SERINC5: variants seen among roughly 807,000 people sequenced by gnomAD.
SERINC5 encodes chromosome 5 open reading frame 12.
In SERINC5, 41 loss-of-function variants were observed where a neutral mutation model predicts 63.1. That is an observed-to-expected ratio of 0.65 (90% CI 0.51 to 0.84). The LOEUF is 0.84. Ranked by LOEUF, SERINC5 falls within the 40% of genes least tolerant of loss-of-function variation. SERINC5 has a pLI of 0.00. For missense variants in SERINC5, 523 were observed against 573.0 expected, an observed-to-expected ratio of 0.91 and a Z score of 0.89; for synonymous variants, 222 against 215.2, an observed-to-expected ratio of 1.03 and a Z score of -0.28.
chr5:80,210,101 A>T (rs898925691), intron 1 of SERINC5, among the ~76,000 whole-genome samples: 14 of 152,256 alleles, frequency 9.2e-5, no homozygotes, highest in Middle Eastern at 3.4e-3. Context: ...TAGTGATATA[A>T]AAGCATTTGC....
intron 1 of SERINC5, among the ~76,000 whole-genome samples, chr5:80,229,485 C>T (rs947549508): frequency 6.6e-6 from 1 of 151,874 alleles, no homozygotes. Flanking sequence ...AATTTGAACT[C>T]ACCTACATTG....
At chr5:80,193,188 T>C (rs1055245018) in intron 2 of SERINC5, among the ~76,000 whole-genome samples, 2 of 152,180 alleles carry the variant, frequency 1.3e-5, no homozygotes, top group African/African-American at 4.8e-5. Context: ...CACAGAATCA[T>C]CCTATTAAAT....
At chr5:80,179,082 C>A (rs1391506392) in intron 2 of SERINC5, among the ~76,000 whole-genome samples, 1 of 151,992 alleles carries the variant, frequency 6.6e-6, no homozygotes, top group Non-Finnish European at 1.5e-5. Context: ...GGTGGATCAC[C>A]TGAGGTCGGG....
chr5:80,224,946 T>TG (rs1751102562), intron 1 of SERINC5, among the ~76,000 whole-genome samples: 1 of 33,588 alleles, frequency 3.0e-5, no homozygotes, highest in African/African-American at 1.9e-4. Flanking sequence ...TTTTTTTTTG[T>TG]TTTTTTTTTT....
At chr5:80,252,668 C>T (rs1752483470) in intron 1 of SERINC5, among the ~76,000 whole-genome samples, 2 of 152,188 alleles carry the variant, frequency 1.3e-5, no homozygotes, top group Admixed American at 6.5e-5. Flanking sequence ...GGGTTCCTCA[C>T]ACTCTGCCAA....
At chr5:80,181,412 A>AAC (rs1748409879) in intron 2 of SERINC5, among the ~76,000 whole-genome samples, 2 of 88,728 alleles carry the variant, frequency 2.3e-5, no homozygotes, top group East Asian at 2.0e-3. Flanking sequence ...AAGCTCAGCT[A>AAC]ATTTTGTGTG....
At chr5:80,226,860 CAAGT>C (rs1751191731) in intron 1 of SERINC5, among the ~76,000 whole-genome samples, 1 of 152,130 alleles carries the variant, frequency 6.6e-6, no homozygotes, top group Non-Finnish European at 1.5e-5. Flanking sequence ...CCATTTTTCA[CAAGT>C]AAGAGGATTA....
chr5:80,115,436 A>T (rs1454699880), intron 11 of SERINC5, among the ~76,000 whole-genome samples: 1 of 151,890 alleles, frequency 6.6e-6, no homozygotes, highest in East Asian at 1.9e-4. Flanking sequence ...TATTAATTCA[A>T]TCTTTTTTGA....
chr5:80,217,908 G>A (rs1424950194), intron 1 of SERINC5, among the ~76,000 whole-genome samples: 1 of 152,166 alleles, frequency 6.6e-6, no homozygotes, highest in East Asian at 1.9e-4. Context: ...CAAATCTAGT[G>A]ACAACCATCA....
At position 80,241,346 on chromosome 5, in the gene SERINC5, G is replaced by A. The variant is rs1178011426; in HGVS notation, c.27+14550C>T. Reference sequence around the variant, plus strand: ...TAGCCAGGCATGGTGGCACGTGCCTGTAATCCCAGCTACTCGGGAGGCTGA... The same window carrying A: ...TAGCCAGGCATGGTGGCACGTGCCTATAATCCCAGCTACTCGGGAGGCTGA... On this transcript the variant is annotated intron_variant, in intron 1 of 11. Transcript: ENST00000507668. 2.0e-5 allele frequency among the ~76,000 whole-genome samples: 3 copies of A among 152,086 alleles called. 1 individual carries two copies. Among genetic ancestry groups the A allele is most frequent in the Non-Finnish European group, 2.9e-5 (2 of 68,022 alleles).
At chr5:80,134,613 A>G (rs994088625), downstream of SERINC5, among the ~76,000 whole-genome samples, 20 of 152,234 alleles carry the variant, frequency 1.3e-4, no homozygotes, top group African/African-American at 4.8e-4. Context: ...TTAGGAACAA[A>G]TCAGTAAGTT....
chr5:80,195,916 C>T (rs573906618), intron 2 of SERINC5, among the ~76,000 whole-genome samples: 1 of 152,316 alleles, frequency 6.6e-6, no homozygotes, highest in Non-Finnish European at 1.5e-5. Flanking sequence ...GCACCTTCAG[C>T]TCAGCCTAAC....
At chr5:80,225,741 G>A (rs917182122) in intron 1 of SERINC5, among the ~76,000 whole-genome samples, 1 of 152,092 alleles carries the variant, frequency 6.6e-6, no homozygotes, top group Non-Finnish European at 1.5e-5. Flanking sequence ...ACATGCACAC[G>A]AGTGTGTACG....
intron 2 of SERINC5, among the ~76,000 whole-genome samples, 171 bp from the exon 3 acceptor site, chr5:80,178,235 CT>C (rs1748171564): frequency 6.6e-6 from 1 of 152,044 alleles, no homozygotes; most frequent in African/African-American, 2.4e-5. Context: ...TTCTCTGAAT[CT>C]TTTTTAAAGA....
At chr5:80,222,019 C>T (rs893736076) in intron 1 of SERINC5, among the ~76,000 whole-genome samples, 21 of 151,912 alleles carry the variant, frequency 1.4e-4, no homozygotes, top group Admixed American at 1.4e-3. Flanking sequence ...TGGTGGTGCC[C>T]ATCTGCAGTC....
Position 80,177,350 on chromosome 5 carries a change from G to A in SERINC5, c.422C>T (p.Ala141Val), listed in dbSNP as rs2112415003. ...GGTGTCCTGATCTGGAATGAAGAAAGCTCCTGAGCACATGGCCCCCAACAG... is the reference window on the plus strand; with the variant it reads ...GGTGTCCTGATCTGGAATGAAGAAAACTCCTGAGCACATGGCCCCCAACAG... Reference protein sequence around the residue: ...LLLLGAMCSGAFFIPDQDTFL... With the variant: ...LLLLGAMCSGVFFIPDQDTFL... The change falls in exon 4 of 12, where the codon GCT (alanine) becomes GTT (valine). Residue 141 changes from alanine (A) to valine (V), a missense_variant. By Grantham distance (64) the Ala-to-Val change is moderately conservative (BLOSUM62 0). Coordinates refer to ENST00000507668, the MANE Select transcript of SERINC5 (RefSeq NM_001174072.3). 6.2e-7 allele frequency: 1 copy of A among 1,613,632 alleles called. No individual in the cohort carries two copies. Among genetic ancestry groups the A allele is most frequent in the South Asian group, 1.1e-5 (1 of 91,082 alleles).
At chr5:80,176,989 TG>T (rs1466957621) in intron 4 of SERINC5, among the ~76,000 whole-genome samples, 3 of 152,234 alleles carry the variant, frequency 2.0e-5, no homozygotes, top group African/African-American at 7.2e-5. Context: ...CCACTATCGC[TG>T]CAGCAGACAT....
intron 1 of SERINC5, among the ~76,000 whole-genome samples, chr5:80,212,945 A>G (rs1750503614): frequency 6.6e-6 from 1 of 152,190 alleles, no homozygotes; most frequent in African/African-American, 2.4e-5. Context: ...ATGGCAACCC[A>G]TGAAAGCTTA....
At chr5:80,153,134 T>C (rs1213361764) in intron 8 of SERINC5, among the ~76,000 whole-genome samples, 1 of 152,144 alleles carries the variant, frequency 6.6e-6, no homozygotes, top group Non-Finnish European at 1.5e-5. Flanking sequence ...CCATGTGACT[T>C]CTACAGGTAG....
Sources: allele counts gnomAD v4.1 joint callset (sites outside exome capture counted in the v4.1 genomes callset), GRCh38; gene constraint gnomAD v4.1.1; transcripts MANE v1.5; gene names NCBI Gene and HGNC (gene_info 2026-07-23, HGNC 2026-07-21).